GAK: variants seen among roughly 807,000 people sequenced by gnomAD.
The protein encoded by GAK is cyclin G associated kinase.
In GAK, 79 loss-of-function variants were observed where a neutral mutation model predicts 143.9. The observed-to-expected ratio is 0.55, with a 90% CI of 0.46 to 0.66. The LOEUF (loss-of-function observed/expected upper bound fraction) is 0.66, where lower values mean the gene tolerates loss of function less well. GAK is among the 30% of genes least tolerant of loss of function. The probability of loss-of-function intolerance (pLI) is 0.00; values close to 1 mark genes in which losing one functional copy is unlikely to be tolerated. For synonymous variants in GAK, 881 were observed against 765.5 expected, an observed-to-expected ratio of 1.15 and a Z score of -2.49; for missense variants, 1,693 against 1,779.7, an observed-to-expected ratio of 0.95 and a Z score of 0.88.
rs1170412641 is a variant in GAK at position 877,145 on chromosome 4, A to G, written c.1919T>C (p.Val640Ala). The G allele has an allele frequency of 6.2e-7, 1 of 1,614,042 alleles. No individual in the cohort carries two copies. Among genetic ancestry groups the G allele is most frequent in the Non-Finnish European group, 8.5e-7 (1 of 1,179,958 alleles). Residue 640 changes from valine (V) to alanine (A), a missense_variant, in exon 17 of 28, where the codon GTG (valine) becomes GCG (alanine). By Grantham distance (64) the Val-to-Ala change is moderately conservative (BLOSUM62 0). This residue lies in a region of GAK where 871 missense variants were observed against 991.0 expected (regional missense o/e 0.88). Coordinates refer to ENST00000314167, the MANE Select transcript of GAK (RefSeq NM_005255.4). Reference protein sequence around the residue: ...IPLGVTVQGDVLIVIYHARST... With the variant: ...IPLGVTVQGDALIVIYHARST... ...CCGGGCGTGATAGATGACGATGAGC[A>G]CGTCTCCTTGCACCGTGACGCCCAG...
At chr4:854,243 C>T (rs1201146960) in intron 24 of GAK, among the ~76,000 whole-genome samples, 3 of 151,660 alleles carry the variant, frequency 2.0e-5, no homozygotes, top group Non-Finnish European at 4.4e-5. Flanking sequence ...CTCTGGTTTT[C>T]GTAGGCAGAG....
chr4:868,090 G>A (rs1410037879), intron 20 of GAK, among the ~76,000 whole-genome samples: 1 of 152,226 alleles, frequency 6.6e-6, no homozygotes, highest in Non-Finnish European at 1.5e-5. Flanking sequence ...TGTGTCTGGG[G>A]TGAGGTCCAG....
At chr4:856,433 C>G (rs1749234183) in intron 24 of GAK, among the ~76,000 whole-genome samples, 3 of 147,310 alleles carry the variant, frequency 2.0e-5, no homozygotes, top group Admixed American at 1.3e-4. Context: ...CTCACACCTG[C>G]TCACCACAGC....
chr4:913,664 C>A lies in GAK; in HGVS notation c.150G>T (p.Gly50=), dbSNP rs778837919. The change falls in exon 2 of 28, where the codon GGG becomes GGT. Residue 50 remains glycine, a synonymous_variant. Coordinates refer to ENST00000314167, the MANE Select transcript of GAK (RefSeq NM_005255.4). ...CTTGAGCTTCATACACAAATGCAAA[C>A]CCTCCTGAAAATTAAAAAGACTTGT... ...LRVRRVLAEG[G]FAFVYEAQDV... is the part of the protein sequence containing the mutation. 1.9e-6 allele frequency: 3 copies of A among 1,612,938 alleles called. No individual in the cohort carries two copies. Among genetic ancestry groups the A allele is most frequent in the Non-Finnish European group, 2.5e-6 (3 of 1,178,978 alleles).
chr4:867,154 C>T lies in GAK; in HGVS notation c.2674G>A (p.Ala892Thr), dbSNP rs764169845. 5.9e-5 allele frequency: 95 copies of T among 1,596,902 alleles called. No homozygotes were observed. In the East Asian group the frequency reaches 1.2e-3, roughly 21 times the overall value. ...GCCTGCGGGGGTACAGCTGGCCCTG[C>T]GCCCACCTCGGAGTGCAGGCCCAGG... ...DLLGLHSEVG[A>T]GPAVPPQACK... The change falls in exon 21 of 28, where the codon GCA (alanine) becomes ACA (threonine). Residue 892 changes from alanine to threonine, a missense_variant. By Grantham distance (58) the Ala-to-Thr change is moderately conservative. This residue lies in a region of GAK where 822 missense variants were observed against 788.7 expected (regional missense o/e 1.04). Transcript: ENST00000314167.
At chr4:902,702 G>C (rs780265149) in intron 5 of GAK, among the ~76,000 whole-genome samples, 14 of 150,866 alleles carry the variant, frequency 9.3e-5, no homozygotes, top group Non-Finnish European at 2.1e-4. Context: ...AGATAATGGA[G>C]AAGCCTCACA....
chr4:883,662 C>T (rs565951851), intron 12 of GAK, among the ~76,000 whole-genome samples, 199 bp from the exon 13 acceptor site: 93 of 152,352 alleles, frequency 6.1e-4, no homozygotes, highest in African/African-American at 2.1e-3. Context: ...CCCAGCCACA[C>T]GCCCATCAGC....
At chr4:912,368 G>A in intron 3 of GAK, 1 of 368,638 alleles carries the variant, frequency 2.7e-6, no homozygotes, top group South Asian at 2.1e-5. Context: ...ATCGGGGCCT[G>A]TGGGAGCCAG....
At chr4:866,641 C>G in intron 21 of GAK, 107 bp from the exon 22 acceptor site, 2 of 1,252,506 alleles carry the variant, frequency 1.6e-6, no homozygotes, top group Non-Finnish European at 2.2e-6. Flanking sequence ...GCTGGGCAGC[C>G]CAGACCCCAC....
intron 1 of GAK, among the ~76,000 whole-genome samples, chr4:917,721 A>G (rs2152956411): frequency 6.6e-6 from 1 of 152,398 alleles, no homozygotes; most frequent in East Asian, 1.9e-4. Context: ...TGGCAGATAC[A>G]GTGTGTGACA....
At chr4:877,029 C>T in intron 17 of GAK, 61 bp downstream of exon 17, 2 of 1,198,394 alleles carry the variant, frequency 1.7e-6, no homozygotes, top group Non-Finnish European at 2.5e-6. Flanking sequence ...ACTGTGGCCC[C>T]CAGCCCCCCA....
rs9999883 is a variant in GAK, at chr4:876,881, G to A, written c.1974+209C>T. ...CCTCAAACTCAGTCTCGATGGAAAC[G>A]CCAGGCTTTTCAGGTTGAGATCCTG... On this transcript the variant is annotated intron_variant, in intron 17 of 27. Transcript: ENST00000314167. 4.0e-4 allele frequency among the ~76,000 whole-genome samples: 61 copies of A among 152,372 alleles called. No homozygotes were observed. Among genetic ancestry groups the A allele is most frequent in the African/African-American group, 1.4e-3 (58 of 41,592 alleles).
intron 1 of GAK, among the ~76,000 whole-genome samples, chr4:924,984 G>A (rs1411066125): frequency 1.3e-5 from 2 of 152,106 alleles, no homozygotes; most frequent in Non-Finnish European, 2.9e-5. Context: ...CCCGGGGGCT[G>A]CTCTCAGGAG....
At chr4:872,337 A>T (rs1712832336) in intron 18 of GAK, 1 of 152,208 alleles carries the variant, frequency 6.6e-6, no homozygotes, top group African/African-American at 2.4e-5. Context: ...CGAAGCCGGG[A>T]CTGATGTGCA....
chr4:910,773 C>T (rs1483370164), intron 4 of GAK, among the ~76,000 whole-genome samples: 3 of 152,130 alleles, frequency 2.0e-5, no homozygotes, highest in Non-Finnish European at 2.9e-5. Flanking sequence ...GCAGGGGTCA[C>T]TAGTGTCACC....
chr4:851,442 C>T (rs1250637802), intron 25 of GAK: 2 of 514,642 alleles, frequency 3.9e-6, no homozygotes, highest in Non-Finnish European at 6.9e-6. Flanking sequence ...ATTCCACCTG[C>T]TGCCCCCGGG....
At position 929,707 on chromosome 4, in the gene GAK, T is replaced by G. The variant is rs1414711055; in HGVS notation, c.145+2336A>C. Among the ~76,000 whole-genome samples the G allele has an allele frequency of 2.0e-5, 3 of 146,808 alleles. No homozygotes were observed. The South Asian group carries it at 6.4e-4, about 31-fold the overall frequency. ...TAAATTAAAAAAAAAAAAAGGAAGA[T>G]GACAGAACAAATTTGAAGAAATTAG... On this transcript the variant is annotated intron_variant, in intron 1 of 27. Coordinates refer to ENST00000314167, the MANE Select transcript of GAK (RefSeq NM_005255.4).
At chr4:849,833 G>GGCCCCCCCCC in intron 27 of GAK, 59 bp from the exon 28 acceptor site, 12 of 1,190,120 alleles carry the variant, frequency 1.0e-5, no homozygotes, top group Non-Finnish European at 1.4e-5. Context: ...GGCGGGGCAG[G>GGCCCCCCCCC]ACCCCCCCCC....
rs748175875 is a variant in GAK at position 893,412 on chromosome 4, C to T, written c.955G>A (p.Ala319Thr). The change falls in exon 9 of 28, where the codon GCC (alanine) becomes ACC (threonine). Residue 319 changes from alanine (A) to threonine (T), a missense_variant. Coordinates refer to ENST00000314167, the MANE Select transcript of GAK (RefSeq NM_005255.4). ...VVHQLQEIAA[A>T]RNVNPKSPIT... Reference sequence around the variant, plus strand: ...GGAGACTTGGGGTTCACGTTGCGGGCGGCCGCGATCTCCTGCAGCTGGTGC... The same window carrying T: ...GGAGACTTGGGGTTCACGTTGCGGGTGGCCGCGATCTCCTGCAGCTGGTGC... The T allele has an allele frequency of 3.0e-5, 47 of 1,589,052 alleles. No homozygotes were observed. The highest frequency in any genetic ancestry group is 1.5e-4 in the African/African-American group (11 of 73,668).
Sources: allele counts gnomAD v4.1 joint callset (sites outside exome capture counted in the v4.1 genomes callset), GRCh38; gene constraint gnomAD v4.1.1; regional missense constraint gnomAD v4.1.1; transcripts MANE v1.5; gene names NCBI Gene and HGNC (gene_info 2026-07-23, HGNC 2026-07-21).